CNOT4: variants seen among roughly 807,000 people sequenced by gnomAD.
CNOT4 encodes the protein CCR4-associated factor 4.
CNOT4 carries 8 observed loss-of-function variants against 73.8 expected under a neutral mutation model. That is an observed-to-expected ratio of 0.11 (90% CI 0.06 to 0.20). The LOEUF (loss-of-function observed/expected upper bound fraction) is 0.20, where lower values mean the gene tolerates loss of function less well. Among genes scored for constraint, CNOT4 ranks in the 10% least tolerant of loss-of-function variants. CNOT4 has a pLI of 1.00. For missense variants in CNOT4, 564 were observed against 883.4 expected, an observed-to-expected ratio of 0.64 and a Z score of 4.58; for synonymous variants, 293 against 321.1, an observed-to-expected ratio of 0.91 and a Z score of 0.94.
intron 1 of CNOT4, among the ~76,000 whole-genome samples, chr7:135,455,305 A>G (rs1478201726): frequency 6.6e-6 from 1 of 152,130 alleles, no homozygotes; most frequent in Non-Finnish European, 1.5e-5. Flanking sequence ...TGGCGAAAAA[A>G]AAAGCTTTAA....
At chr7:135,447,889 T>C in intron 1 of CNOT4, among the ~76,000 whole-genome samples, 1 of 152,122 alleles carries the variant, frequency 6.6e-6, no homozygotes, top group East Asian at 1.9e-4. Context: ...AAGCAATTTA[T>C]GTCCTAGAGT....
At chr7:135,463,662 C>G (rs1801028841) in intron 1 of CNOT4, among the ~76,000 whole-genome samples, 1 of 150,932 alleles carries the variant, frequency 6.6e-6, no homozygotes, top group African/African-American at 2.4e-5. Context: ...GCAACTGCAA[C>G]AAAAGCAAAA....
intron 2 of CNOT4, among the ~76,000 whole-genome samples, chr7:135,434,982 T>C (rs531056994): frequency 6.6e-6 from 1 of 152,350 alleles, no homozygotes; most frequent in East Asian, 1.9e-4. Flanking sequence ...TGCCTTTACA[T>C]ATTAATAAAA....
intron 2 of CNOT4, among the ~76,000 whole-genome samples, chr7:135,433,586 A>T (rs2129485133): frequency 6.6e-6 from 1 of 151,898 alleles, no homozygotes; most frequent in South Asian, 2.1e-4. Context: ...TCAAACTCCT[A>T]ACCTCAAACA....
chr7:135,388,922 T>C (rs749249396), intron 10 of CNOT4: 1 of 1,606,996 alleles, frequency 6.2e-7, no homozygotes, highest in Non-Finnish European at 8.5e-7. Flanking sequence ...ATGGTCTAGT[T>C]ATGGGTGACT....
chr7:135,498,851 A>G (rs56897405), intron 1 of CNOT4, among the ~76,000 whole-genome samples: 2,407 of 152,304 alleles, frequency 0.016, 68 homozygotes, highest in African/African-American at 0.055. Context: ...TTTTGGAAGC[A>G]AAATTCACAT....
At chr7:135,459,409 T>C (rs548480668) in intron 1 of CNOT4, among the ~76,000 whole-genome samples, 2 of 152,330 alleles carry the variant, frequency 1.3e-5, no homozygotes, top group South Asian at 4.1e-4. Flanking sequence ...CAATTGATCG[T>C]TAAGTCTAAA....
At chr7:135,424,040 AACACACACACACACACACACACACAC>A (rs3138785) in intron 2 of CNOT4, among the ~76,000 whole-genome samples, 22 of 144,302 alleles carry the variant, frequency 1.5e-4, no homozygotes, top group Admixed American at 1.1e-3. Context: ...AAACAAACAA[AACACACACACACACACACACACACAC>A]ACACACACAC....
At chr7:135,486,211 A>G (rs1441445132) in intron 1 of CNOT4, among the ~76,000 whole-genome samples, 1 of 152,242 alleles carries the variant, frequency 6.6e-6, no homozygotes, top group Non-Finnish European at 1.5e-5. Flanking sequence ...AAAAAAATCT[A>G]ACAGTAAAGA....
intron 1 of CNOT4, among the ~76,000 whole-genome samples, chr7:135,464,740 A>C (rs1801114066): frequency 6.6e-6 from 1 of 151,966 alleles, no homozygotes; most frequent in African/African-American, 2.4e-5. Context: ...AATACTATTA[A>C]ATTTTAAAAT....
intron 1 of CNOT4, among the ~76,000 whole-genome samples, chr7:135,483,520 G>A (rs1802522879): frequency 6.6e-6 from 1 of 151,674 alleles, no homozygotes; most frequent in Non-Finnish European, 1.5e-5. Flanking sequence ...CAAAATTCAT[G>A]ATATTAAAAA....
At chr7:135,387,136 A>G (rs7802993) in intron 10 of CNOT4, 929,372 of 977,746 alleles carry the variant, frequency 0.95, 441,895 homozygotes, top group East Asian at 1. Flanking sequence ...ATAGTAAAAG[A>G]CTGATAATAA....
chr7:135,394,456 C>T (rs1241727704), intron 9 of CNOT4, 41 bp from the exon 10 acceptor site: 3 of 1,486,462 alleles, frequency 2.0e-6, no homozygotes, highest in Middle Eastern at 1.8e-4. Flanking sequence ...AGATACATAG[C>T]TCATTTTCAT....
intron 1 of CNOT4, among the ~76,000 whole-genome samples, chr7:135,488,933 A>G (rs147258520): frequency 6.6e-6 from 1 of 152,268 alleles, no homozygotes; most frequent in Non-Finnish European, 1.5e-5. Context: ...AGAGTTTTTA[A>G]AAAAAGGAAA....
chr7:135,508,120 CAT>C (rs1047121885), intron 1 of CNOT4, among the ~76,000 whole-genome samples: 2 of 152,194 alleles, frequency 1.3e-5, no homozygotes, highest in African/African-American at 4.8e-5. Flanking sequence ...TGGACTGCCA[CAT>C]GAGACTGTCA....
At chr7:135,474,475 T>C (rs1333897196) in intron 1 of CNOT4, among the ~76,000 whole-genome samples, 1 of 151,192 alleles carries the variant, frequency 6.6e-6, no homozygotes, top group Non-Finnish European at 1.5e-5. Flanking sequence ...TGGGGTTTCA[T>C]CACGTTGGCC....
intron 10 of CNOT4, among the ~76,000 whole-genome samples, chr7:135,389,134 G>C (rs1445660506): frequency 1.4e-5 from 1 of 71,350 alleles, no homozygotes; most frequent in Non-Finnish European, 2.7e-5. Flanking sequence ...AAATACAATA[G>C]ATTTAGATTA....
intron 10 of CNOT4, among the ~76,000 whole-genome samples, chr7:135,378,665 T>C (rs1795660842): frequency 6.6e-6 from 1 of 151,806 alleles, no homozygotes; most frequent in African/African-American, 2.4e-5. Flanking sequence ...CTCAGTAGAC[T>C]GATGGAGAGA....
In CNOT4 at chr7:135,509,945, C is replaced by G. The variant is rs1052393266; in HGVS notation, c.-149G>C. 3 of 399,108 alleles carry G rather than the reference C, an allele frequency of 7.5e-6. No homozygotes were observed. Among genetic ancestry groups the G allele is most frequent in the Non-Finnish European group, 1.3e-5 (3 of 226,346 alleles). The allele number at this position is 399,108 out of a possible 1,614,324, so 24.7% of individuals were successfully genotyped here. ...GACTCCACGGGCTGCCGCGTCCTCA[C>G]AAGAAACCACCGAACGAGCGTCGGG... On this transcript the variant is annotated 5_prime_UTR_variant, in exon 1 of 12. Transcript: ENST00000541284.
Sources: gnomAD v4.1 joint callset for allele counts (sites outside exome capture counted in the v4.1 genomes callset) on GRCh38, gnomAD v4.1.1 for gene constraint, MANE v1.5 for transcripts, NCBI Gene and HGNC (gene_info 2026-07-23, HGNC 2026-07-21) for gene names.